Variants in CUBN observed in about 807,000 individuals in gnomAD.
CUBN encodes cubilin.
Under a neutral mutation model 405.3 loss-of-function variants are expected in CUBN, and 282 were observed. The ratio of observed to expected loss-of-function variants is 0.70; its 90% CI spans 0.63 to 0.77. CUBN has a LOEUF of 0.77. Among genes scored for constraint, CUBN ranks in the 30% least tolerant of loss-of-function variants. The pLI is 0.00. For synonymous variants in CUBN, 1,684 were observed against 1,617.0 expected, an observed-to-expected ratio of 1.04 and a Z score of -0.99; for missense variants, 4,514 against 4,475.2, an observed-to-expected ratio of 1.01 and a Z score of -0.25.
intron 6 of CUBN, 179 bp downstream of exon 6, chr10:17,122,616 G>C (rs567233823): frequency 2.0e-5 from 13 of 646,434 alleles, no homozygotes; most frequent in African/African-American, 3.7e-5. Flanking sequence ...GGACTCATGA[G>C]CTTTTCTTCA....
At chr10:16,972,186 A>T (rs1025620395) in intron 31 of CUBN, among the ~76,000 whole-genome samples, 1 of 152,096 alleles carries the variant, frequency 6.6e-6, no homozygotes, top group African/African-American at 2.4e-5. Flanking sequence ...CACCCGTTAC[A>T]TGGCAGTGTT....
Position 17,129,661 on chromosome 10 carries a change from T to C in CUBN, c.105A>G (p.Arg35=). The change falls in exon 1 of 67, where the codon AGA becomes AGG. Residue 35 remains arginine (R), a synonymous_variant. Transcript: ENST00000377833. The part of the protein sequence containing the change: ...AGELELQRQK[R]SINLQQPRMA... ...TTACTTACTGTTGGAGATTGATGCT[T>C]CTTTTTTGTCTCTGCAGCTCAAGTT... The C allele has an allele frequency of 6.2e-7, 1 of 1,614,162 alleles. No individual in the cohort carries two copies. The highest frequency in any genetic ancestry group is 8.5e-7 in the Non-Finnish European group (1 of 1,179,994).
chr10:16,899,659 A>G (rs1841300083), intron 53 of CUBN, among the ~76,000 whole-genome samples: 1 of 152,228 alleles, frequency 6.6e-6, no homozygotes, highest in African/African-American at 2.4e-5. Flanking sequence ...TGATTGATTC[A>G]TATTGAAACT....
intron 22 of CUBN, among the ~76,000 whole-genome samples, chr10:17,063,526 G>A (rs1402674893): frequency 6.6e-6 from 1 of 151,850 alleles, no homozygotes; most frequent in Non-Finnish European, 1.5e-5. Flanking sequence ...TTCCTTTCCT[G>A]TCCAGTTTGC....
intron 16 of CUBN, among the ~76,000 whole-genome samples, chr10:17,084,980 C>T (rs1836073422): frequency 1.3e-5 from 2 of 152,102 alleles, no homozygotes; most frequent in South Asian, 4.2e-4. Context: ...TGTTACTCTT[C>T]CTGATATTGA....
chr10:16,939,245 T>C, intron 37 of CUBN, 98 bp from the exon 38 acceptor site: 2 of 947,624 alleles, frequency 2.1e-6, no homozygotes, highest in Non-Finnish European at 1.7e-6. Flanking sequence ...AAGGATGGAC[T>C]TTTAATTGAC....
chr10:17,067,202 A>T (rs182242006), intron 21 of CUBN, among the ~76,000 whole-genome samples: 1 of 152,264 alleles, frequency 6.6e-6, no homozygotes, highest in Admixed American at 6.5e-5. Flanking sequence ...AGCAGGAAAC[A>T]ATCCAAATGT....
intron 10 of CUBN, 97 bp downstream of exon 10, chr10:17,109,543 C>T (rs911042740): frequency 5.8e-6 from 6 of 1,029,952 alleles, no homozygotes; most frequent in Non-Finnish European, 9.1e-6. Flanking sequence ...GTCAAAATAA[C>T]AATTTTGAGA....
At chr10:16,843,441 A>G (rs989102458) in intron 60 of CUBN, among the ~76,000 whole-genome samples, 3 of 152,214 alleles carry the variant, frequency 2.0e-5, no homozygotes, top group African/African-American at 7.2e-5. Context: ...TCATTGTAAA[A>G]GAAAAAGAAA....
intron 60 of CUBN, among the ~76,000 whole-genome samples, chr10:16,841,331 G>T (rs901110302): frequency 2.6e-5 from 4 of 152,106 alleles, no homozygotes; most frequent in African/African-American, 9.7e-5. Context: ...TTTAACCTCT[G>T]CACCGACTCA....
intron 64 of CUBN, among the ~76,000 whole-genome samples, chr10:16,831,856 G>GGA (rs1314187907): frequency 6.6e-6 from 1 of 152,134 alleles, no homozygotes; most frequent in Non-Finnish European, 1.5e-5. Flanking sequence ...GTGTATGTGT[G>GGA]TGTGTGCACG....
chr10:16,936,693 T>C (rs1842514368), intron 39 of CUBN, among the ~76,000 whole-genome samples: 1 of 152,178 alleles, frequency 6.6e-6, no homozygotes, highest in South Asian at 2.1e-4. Flanking sequence ...TAAGAAACGC[T>C]CAAATTCATT....
chr10:16,932,061 C>T (rs924537023), intron 40 of CUBN, among the ~76,000 whole-genome samples: 3 of 152,126 alleles, frequency 2.0e-5, no homozygotes, highest in Admixed American at 6.5e-5. Context: ...CTCTGTGCAA[C>T]GTGCTGATAG....
At chr10:17,105,141 T>C (rs1446031015) in intron 11 of CUBN, among the ~76,000 whole-genome samples, 1 of 152,180 alleles carries the variant, frequency 6.6e-6, no homozygotes, top group Non-Finnish European at 1.5e-5. Context: ...TATATGTGTT[T>C]ATATGTAAGT....
At chr10:17,001,497 G>A (rs905838662) in intron 28 of CUBN, among the ~76,000 whole-genome samples, 5 of 152,176 alleles carry the variant, frequency 3.3e-5, no homozygotes, top group African/African-American at 7.2e-5. Flanking sequence ...GCCACAGAGC[G>A]CCGACTGGCG....
chr10:17,009,382 T>C (rs986830488), intron 28 of CUBN, among the ~76,000 whole-genome samples: 1 of 152,120 alleles, frequency 6.6e-6, no homozygotes, highest in Non-Finnish European at 1.5e-5. Flanking sequence ...CAAGTAGAAC[T>C]GGTAGAAAAA....
At chr10:16,900,178 T>G (rs563844866) in intron 53 of CUBN, among the ~76,000 whole-genome samples, 4 of 152,332 alleles carry the variant, frequency 2.6e-5, no homozygotes, top group African/African-American at 9.6e-5. Context: ...CTCTTTATGT[T>G]GTGGACTTAT....
In CUBN at chr10:16,828,860, G is replaced by A. The variant is rs1456821161; in HGVS notation, c.10709C>T (p.Thr3570Ile). The change falls in exon 66 of 67, where the codon ACA (threonine) becomes ATA (isoleucine). Residue 3570 changes from threonine (T) to isoleucine (I), a missense_variant. By Grantham distance (89) the Thr-to-Ile change is moderately conservative (BLOSUM62 -1). Around this residue, in one of 5 missense-constraint regions of CUBN, gnomAD observed 1,186 missense variants for 1,186.9 expected, o/e 1.00. Transcript: ENST00000377833. ...GCTGGCGTTGGGCCCATCATAGAGT[G>A]TGAGATAGTTCTGGACACAGTCTCC... ...DPGDCVQNYL[T>I]LYDGPNASSP... 5 of 1,614,074 alleles carry A rather than the reference G, an allele frequency of 3.1e-6. No individual in the cohort carries two copies. In the African/African-American group the frequency reaches 5.3e-5, roughly 17 times the overall value.
chr10:16,884,548 T>C (rs985134528), intron 56 of CUBN, among the ~76,000 whole-genome samples: 2 of 152,168 alleles, frequency 1.3e-5, no homozygotes, highest in African/African-American at 4.8e-5. Context: ...CTGTAGTTCA[T>C]GGAATGTCTA....
Sources: gnomAD v4.1 joint callset for allele counts (sites outside exome capture counted in the v4.1 genomes callset) on GRCh38, gnomAD v4.1.1 for gene constraint, gnomAD v4.1.1 regional missense constraint, MANE v1.5 for transcripts, NCBI Gene and HGNC (gene_info 2026-07-23, HGNC 2026-07-21) for gene names.